The following SLC7A13 variants were observed in gnomAD, a reference collection of about 807,000 sequenced individuals.
The protein encoded by SLC7A13 is X-amino acid transporter 2.
SLC7A13 carries 31 observed loss-of-function variants against 32.0 expected under a neutral mutation model. The observed-to-expected ratio is 0.97, with a 90% CI of 0.73 to 1.31. SLC7A13 has a LOEUF of 1.31. Among genes scored for constraint, SLC7A13 ranks in the 50% most tolerant of loss-of-function variants. The pLI is 0.00. For missense variants in SLC7A13, 633 were observed against 546.9 expected, an observed-to-expected ratio of 1.16 and a Z score of -1.57; for synonymous variants, 232 against 206.9, an observed-to-expected ratio of 1.12 and a Z score of -1.04.
chr8:86,214,306 C>T lies in SLC7A13; in HGVS notation c.*107G>A. On this transcript the variant is annotated 3_prime_UTR_variant, in exon 4 of 4. Transcript: ENST00000297524. ...ATTTCATTTGAGAAAAAAATATTTA[C>T]CATAGGAATTTCACCATGAATGTTC... is the stretch of plus-strand genomic sequence containing the variant. 3.0e-6 allele frequency: 2 copies of T among 675,920 alleles called. No homozygotes were observed. The highest frequency in any genetic ancestry group is 4.9e-6 in the Non-Finnish European group (2 of 410,112). The allele number at this position is 675,920 out of a possible 1,614,324, so 41.9% of individuals were successfully genotyped here.
chr8:86,218,851 T>C (rs1408911225), intron 2 of SLC7A13, among the ~76,000 whole-genome samples: 2 of 152,070 alleles, frequency 1.3e-5, no homozygotes, highest in Non-Finnish European at 2.9e-5. Context: ...TTCAATGGAA[T>C]GAGCACAATG....
chr8:86,224,389 C>G (rs1037866061), intron 1 of SLC7A13, among the ~76,000 whole-genome samples: 1 of 152,150 alleles, frequency 6.6e-6, no homozygotes, highest in Non-Finnish European at 1.5e-5. Context: ...AGGAAACTCT[C>G]TCCCTGGCTA....
intron 1 of SLC7A13, among the ~76,000 whole-genome samples, chr8:86,225,263 C>T (rs1433590242): frequency 6.6e-6 from 1 of 152,130 alleles, no homozygotes; most frequent in Non-Finnish European, 1.5e-5. Flanking sequence ...CTAATCTGAG[C>T]TGATTAAGAA....
At chr8:86,228,807 T>C (rs2976183) in intron 1 of SLC7A13, among the ~76,000 whole-genome samples, 78,275 of 151,410 alleles carry the variant, frequency 0.52, 22,028 homozygotes, top group African/African-American at 0.74. Flanking sequence ...AATCATGCCA[T>C]TGTACTCTGG....
intron 1 of SLC7A13, among the ~76,000 whole-genome samples, chr8:86,223,722 C>T (rs1434536218): frequency 6.6e-6 from 1 of 151,822 alleles, no homozygotes; most frequent in Non-Finnish European, 1.5e-5. Flanking sequence ...ACCAACATTG[C>T]TCCATGTGTC....
At chr8:86,226,981 G>A (rs1820397136) in intron 1 of SLC7A13, among the ~76,000 whole-genome samples, 1 of 152,070 alleles carries the variant, frequency 6.6e-6, no homozygotes, top group East Asian at 1.9e-4. Context: ...TGTTTATAAG[G>A]CACAGAATTA....
chr8:86,217,927 T>A, intron 2 of SLC7A13, 96 bp from the exon 3 acceptor site: 1 of 1,271,296 alleles, frequency 7.9e-7, no homozygotes, highest in Non-Finnish European at 1.1e-6. Flanking sequence ...AACAGAAACT[T>A]AAGTAATTAA....
rs751335021 is a variant in SLC7A13 at position 86,214,369 on chromosome 8, G to A, written c.*44C>T. On this transcript the variant is annotated 3_prime_UTR_variant, in exon 4 of 4. Transcript: ENST00000297524. ...AACCTTGATTTGGAATCTGATATAT[G>A]TTTTTTAGAAGGCCAATTTTTTAAG... 1.7e-6 allele frequency: 2 copies of A among 1,178,994 alleles called. No individual in the cohort carries two copies. Among genetic ancestry groups the A allele is most frequent in the Non-Finnish European group, 2.4e-6 (2 of 822,018 alleles). The allele number at this position is 1,178,994 out of a possible 1,614,324, so 73.0% of individuals were successfully genotyped here.
intron 2 of SLC7A13, among the ~76,000 whole-genome samples, chr8:86,220,992 C>CAAAAA (rs35169757): frequency 9.2e-6 from 1 of 108,530 alleles, no homozygotes; most frequent in East Asian, 2.5e-4. Context: ...GACTCTGTTT[C>CAAAAA]AAAAAAAAAA....
Position 86,217,566 on chromosome 8 carries a change from G to A in SLC7A13, c.1083C>T (p.Asn361=), listed in dbSNP as rs1820208464. Residue 361 remains asparagine, a synonymous_variant, in exon 3 of 4, where the codon AAC becomes AAT. Coordinates refer to ENST00000297524, the MANE Select transcript of SLC7A13 (RefSeq NM_138817.3). ...ATAATGAACCCGTGAAAAAAATATAGTTTATCAAATCAATTAGACTTGTTA... is the reference window on the plus strand; with the variant it reads ...ATAATGAACCCGTGAAAAAAATATAATTTATCAAATCAATTAGACTTGTTA... ...IILTSLIDLI[N]YIFFTGSLWS... 1.2e-6 allele frequency: 2 copies of A among 1,612,768 alleles called. No homozygotes were observed. Among genetic ancestry groups the A allele is most frequent in the Non-Finnish European group, 1.7e-6 (2 of 1,179,460 alleles).
intron 2 of SLC7A13, among the ~76,000 whole-genome samples, chr8:86,220,827 C>A (rs1409198688): frequency 6.6e-6 from 1 of 151,846 alleles, no homozygotes; most frequent in African/African-American, 2.4e-5. Flanking sequence ...AACCCTATCT[C>A]TACTAAAAAT....
At chr8:86,227,873 G>A (rs1379659091) in intron 1 of SLC7A13, among the ~76,000 whole-genome samples, 1 of 152,104 alleles carries the variant, frequency 6.6e-6, no homozygotes, top group Non-Finnish European at 1.5e-5. Flanking sequence ...ACTTATATAT[G>A]GGAGCTAAAC....
At chr8:86,224,083 A>G (rs907301162) in intron 1 of SLC7A13, among the ~76,000 whole-genome samples, 3 of 152,190 alleles carry the variant, frequency 2.0e-5, no homozygotes, top group Admixed American at 6.5e-5. Flanking sequence ...AAGAAGAGCT[A>G]CACATGAGTT....
intron 1 of SLC7A13, among the ~76,000 whole-genome samples, chr8:86,224,069 C>CAAGAAG (rs1820349996): frequency 6.6e-6 from 1 of 151,872 alleles, no homozygotes; most frequent in Non-Finnish European, 1.5e-5. Context: ...AATTTGACCT[C>CAAGAAG]AAGAAGAAGA....
In SLC7A13 at chr8:86,214,614, G is replaced by A. The variant is rs1820147100; in HGVS notation, c.1212C>T (p.Val404=). The stretch of plus-strand genomic sequence containing the variant: ...GTATCACAACCAAGCCCACGTCGAT[G>A]ACTATTGTTGCTAATGGAAATGACA... ...VFLSFPLATI[V]IDVGLVVIPL... Residue 404 remains valine (V), a synonymous_variant, in exon 4 of 4, where the codon GTC becomes GTT. Coordinates refer to ENST00000297524, the MANE Select transcript of SLC7A13 (RefSeq NM_138817.3). 1 of 1,610,158 alleles carries A rather than the reference G, an allele frequency of 6.2e-7. No individual in the cohort carries two copies. The highest frequency in any genetic ancestry group is 1.3e-5 in the African/African-American group (1 of 74,660).
chr8:86,223,202 G>A, intron 1 of SLC7A13, 99 bp from the exon 2 acceptor site: 3 of 1,183,638 alleles, frequency 2.5e-6, no homozygotes, highest in Non-Finnish European at 3.4e-6. Context: ...AATTAATGGG[G>A]TACAAGCATG....
chr8:86,218,394 C>T (rs565104507), intron 2 of SLC7A13, among the ~76,000 whole-genome samples: 1 of 152,118 alleles, frequency 6.6e-6, no homozygotes, highest in Non-Finnish European at 1.5e-5. Context: ...ATATGTATGA[C>T]ATTCGGGACT....
At chr8:86,228,723 G>A (rs1279110556) in intron 1 of SLC7A13, among the ~76,000 whole-genome samples, 1 of 152,034 alleles carries the variant, frequency 6.6e-6, no homozygotes, top group Non-Finnish European at 1.5e-5. Flanking sequence ...GTGCACACGT[G>A]TAGTCCCAGC....
intron 1 of SLC7A13, among the ~76,000 whole-genome samples, chr8:86,225,584 A>C (rs1213427287): frequency 6.6e-6 from 1 of 152,180 alleles, no homozygotes. Flanking sequence ...AAAAGTTATA[A>C]TAGCCAGACA....
Sources: gnomAD v4.1 joint callset for allele counts (sites outside exome capture counted in the v4.1 genomes callset) on GRCh38, gnomAD v4.1.1 for gene constraint, MANE v1.5 for transcripts, NCBI Gene and HGNC (gene_info 2026-07-23, HGNC 2026-07-21) for gene names.